Variants in CCDC60 observed in about 807,000 individuals in gnomAD.
The protein encoded by CCDC60 is coiled-coil domain containing 60.
A neutral mutation model predicts 63.5 loss-of-function variants in CCDC60; 54 were observed. That is an observed-to-expected ratio of 0.85 (90% CI 0.68 to 1.07). The LOEUF is 1.07. Ranked by LOEUF, CCDC60 falls within the 50% of genes least tolerant of loss-of-function variation. The pLI, the probability that CCDC60 is intolerant of heterozygous loss-of-function variation, is 0.00. For synonymous variants in CCDC60, 206 were observed against 238.8 expected (o/e 0.86, Z 1.27); for missense variants, 651 against 684.3 (o/e 0.95, Z 0.54).
intron 7 of CCDC60, among the ~76,000 whole-genome samples, chr12:119,508,263 A>G (rs2695512): frequency 0.13 from 20,416 of 152,046 alleles, 1,567 homozygotes; most frequent in Non-Finnish European, 0.17. Context: ...TGGGCTTATC[A>G]AAAGGTCAAG....
intron 2 of CCDC60, among the ~76,000 whole-genome samples, chr12:119,453,724 G>C (rs1950675238): frequency 6.6e-6 from 1 of 152,130 alleles, no homozygotes; most frequent in African/African-American, 2.4e-5. Flanking sequence ...AAGCAAGAAA[G>C]TTGTACCAGA....
chr12:119,358,614 A>G (rs1283943538), intron 1 of CCDC60, among the ~76,000 whole-genome samples: 2 of 152,154 alleles, frequency 1.3e-5, no homozygotes, highest in African/African-American at 4.8e-5. Context: ...CTTCTCCCCA[A>G]TGGTAACCAC....
At chr12:119,451,391 A>T (rs1323631699) in intron 2 of CCDC60, among the ~76,000 whole-genome samples, 1 of 137,942 alleles carries the variant, frequency 7.2e-6, no homozygotes, top group East Asian at 2.4e-4. Context: ...AGAGACCCCC[A>T]CCCAGCCCCA....
At chr12:119,508,221 G>T (rs546725128) in intron 7 of CCDC60, among the ~76,000 whole-genome samples, 2 of 151,896 alleles carry the variant, frequency 1.3e-5, no homozygotes, top group Non-Finnish European at 2.9e-5. Flanking sequence ...GGTAGCTCAC[G>T]CCTGTAATCC....
chr12:119,419,604 C>G (rs1327675842), intron 1 of CCDC60, among the ~76,000 whole-genome samples: 1 of 152,172 alleles, frequency 6.6e-6, no homozygotes, highest in Non-Finnish European at 1.5e-5. Flanking sequence ...CATTCATCTT[C>G]TCATTCATTC....
intron 4 of CCDC60, among the ~76,000 whole-genome samples, chr12:119,482,667 C>A (rs1951353024): frequency 6.6e-6 from 1 of 152,178 alleles, no homozygotes; most frequent in Non-Finnish European, 1.5e-5. Context: ...TAAGCTATGG[C>A]TGTATTACAG....
At chr12:119,391,306 TG>T (rs1565982009) in intron 1 of CCDC60, among the ~76,000 whole-genome samples, 1 of 152,242 alleles carries the variant, frequency 6.6e-6, no homozygotes, top group Non-Finnish European at 1.5e-5. Context: ...CATCCACGTC[TG>T]GGTGCTTTCA....
In CCDC60 at chr12:119,464,249, G is replaced by C. The variant is rs1435768907; in HGVS notation, c.171-7745G>C. ...ACATTTCAGGATCCAGTAGGTTGCA[G>C]TTTCTGCACATCATCACGTAATATT... is the stretch of plus-strand genomic sequence containing the variant. On this transcript the variant is annotated intron_variant, in intron 2 of 13. Transcript: ENST00000327554. 7.1e-5 allele frequency among the ~76,000 whole-genome samples: 10 copies of C among 140,900 alleles called. 2 individuals carry two copies. The highest frequency in any genetic ancestry group is 2.7e-4 in the African/African-American group (10 of 36,734). 92.4% of individuals were successfully genotyped at this position (140,900 alleles called of 152,430 possible).
chr12:119,383,462 T>C (rs1325886170), intron 1 of CCDC60, among the ~76,000 whole-genome samples: 2 of 152,112 alleles, frequency 1.3e-5, no homozygotes, highest in Non-Finnish European at 2.9e-5. Context: ...TATCTGGAAC[T>C]TGGACTTTAG....
chr12:119,369,239 G>A (rs1211073592), intron 1 of CCDC60, among the ~76,000 whole-genome samples: 1 of 152,148 alleles, frequency 6.6e-6, no homozygotes, highest in Non-Finnish European at 1.5e-5. Flanking sequence ...TATTTGGAGA[G>A]AAAGACGCTC....
intron 2 of CCDC60, among the ~76,000 whole-genome samples, chr12:119,468,807 C>G (rs185769866): frequency 6.6e-6 from 1 of 151,914 alleles, no homozygotes; most frequent in Non-Finnish European, 1.5e-5. Context: ...GGTGCAGTGG[C>G]TCATGCTTGT....
intron 2 of CCDC60, among the ~76,000 whole-genome samples, chr12:119,437,883 G>A (rs184306143): frequency 5.9e-5 from 9 of 152,326 alleles, no homozygotes; most frequent in South Asian, 2.1e-4. Flanking sequence ...ATTCAAAGAA[G>A]ACCTTAGTCC....
chr12:119,340,358 ATAATAGAGGTATTGT>A (rs544230281), intron 1 of CCDC60, among the ~76,000 whole-genome samples: 11 of 152,334 alleles, frequency 7.2e-5, no homozygotes, highest in African/African-American at 2.6e-4. Context: ...CAACAACTCC[ATAATAGAGGTATTGT>A]TAATAAGCTT....
intron 1 of CCDC60, among the ~76,000 whole-genome samples, chr12:119,419,554 G>A (rs536300010): frequency 2.6e-5 from 4 of 152,244 alleles, no homozygotes; most frequent in Middle Eastern, 3.4e-3. Flanking sequence ...CCTTTGTAAC[G>A]AATCATTAAC....
At chr12:119,412,521 A>G (rs1956621313) in intron 1 of CCDC60, among the ~76,000 whole-genome samples, 1 of 152,138 alleles carries the variant, frequency 6.6e-6, no homozygotes, top group Admixed American at 6.5e-5. Context: ...TGCCAAATAA[A>G]TTTTTTCATT....
At chr12:119,476,019 T>C (rs1360239120) in intron 3 of CCDC60, among the ~76,000 whole-genome samples, 1 of 152,224 alleles carries the variant, frequency 6.6e-6, no homozygotes, top group African/African-American at 2.4e-5. Flanking sequence ...CATTTATAAA[T>C]ACTTTTTAAA....
chr12:119,447,574 G>A lies in CCDC60; in HGVS notation c.170+18812G>A, dbSNP rs117684598. 5.9e-5 allele frequency among the ~76,000 whole-genome samples: 9 copies of A among 152,272 alleles called. No homozygotes were observed. The East Asian group carries it at 1.5e-3, about 26-fold the overall frequency. On this transcript the variant is annotated intron_variant, in intron 2 of 13. Coordinates refer to ENST00000327554, the MANE Select transcript of CCDC60 (RefSeq NM_178499.5). ...CATTTTTCTATATCCACAATGGCAG[G>A]TCCATAAGAGCAATCCCTCCCATTC...
rs192228791 is a variant in CCDC60 at position 119,463,071 on chromosome 12, G to A, written c.171-8923G>A. 7.3e-3 allele frequency among the ~76,000 whole-genome samples: 1,109 copies of A among 152,134 alleles called. 6 individuals are homozygous for A. Among genetic ancestry groups the A allele is most frequent in the Middle Eastern group, 0.024 (7 of 294 alleles). ...ACTCCTGACCTCAAGTGATCCACCC[G>A]CCTTGGCCTCCCAAAGTGCTGGGAT... On this transcript the variant is annotated intron_variant, in intron 2 of 13. Transcript: ENST00000327554.
At chr12:119,539,581 G>A (rs1483202282) in intron 13 of CCDC60, among the ~76,000 whole-genome samples, 1 of 152,218 alleles carries the variant, frequency 6.6e-6, no homozygotes, top group East Asian at 1.9e-4. Flanking sequence ...TGTGCTGGCG[G>A]CAGGAATTTC....
Sources: gnomAD v4.1 joint callset for allele counts (sites outside exome capture counted in the v4.1 genomes callset) on GRCh38, gnomAD v4.1.1 for gene constraint, MANE v1.5 for transcripts, NCBI Gene and HGNC (gene_info 2026-07-23, HGNC 2026-07-21) for gene names.